Variants in GRM1 observed in about 807,000 individuals in gnomAD.
GRM1 encodes glutamate metabotropic receptor 1.
Under a neutral mutation model 90.9 loss-of-function variants are expected in GRM1, and 33 were observed. That is an observed-to-expected ratio of 0.36 (90% confidence interval 0.28 to 0.49). The LOEUF (loss-of-function observed/expected upper bound fraction) is 0.49, where lower values mean the gene tolerates loss of function less well. Among genes scored for constraint, GRM1 ranks in the 20% least tolerant of loss-of-function variants. GRM1 has a pLI of 0.99. For missense variants in GRM1, 1,190 were observed against 1,534.3 expected (o/e 0.78, Z 3.75); for synonymous variants, 700 against 613.2 (o/e 1.14, Z -2.09).
rs145100721 is a variant in GRM1 at position 146,142,346 on chromosome 6, G to A, written c.701-17002G>A. 3.2e-3 allele frequency among the ~76,000 whole-genome samples: 488 copies of A among 152,286 alleles called. 6 individuals carry two copies. The highest frequency in any genetic ancestry group is 0.011 in the African/African-American group (467 of 41,566). ...GCCACTACCACTGCAACTATGCTGG[G>A]TCAGACCTGAAGCTAGCACAGCAGT... On this transcript the variant is annotated intron_variant, in intron 1 of 7. Coordinates refer to ENST00000282753, the MANE Select transcript of GRM1 (RefSeq NM_001278064.2).
At chr6:146,168,772 C>T (rs890270727) in intron 2 of GRM1, among the ~76,000 whole-genome samples, 3 of 152,028 alleles carry the variant, frequency 2.0e-5, no homozygotes, top group South Asian at 2.1e-4. Context: ...AGAGATATTA[C>T]TTAATTATAC....
At chr6:146,073,019 C>T (rs1017377141) in intron 1 of GRM1, among the ~76,000 whole-genome samples, 11 of 152,150 alleles carry the variant, frequency 7.2e-5, no homozygotes, top group Admixed American at 3.3e-4. Context: ...TCTTAGGTAA[C>T]GCTCCTCAAA....
intron 2 of GRM1, among the ~76,000 whole-genome samples, chr6:146,228,824 T>C (rs1215811040): frequency 1.3e-5 from 2 of 152,178 alleles, no homozygotes; most frequent in African/African-American, 2.4e-5. Flanking sequence ...ATCAATTACA[T>C]CATCTATAAA....
chr6:146,278,387 C>G (rs1194803801), intron 2 of GRM1, among the ~76,000 whole-genome samples: 1 of 152,136 alleles, frequency 6.6e-6, no homozygotes, highest in East Asian at 1.9e-4. Flanking sequence ...TAAGTTCATG[C>G]TTGTTCTATT....
chr6:146,180,786 A>G (rs1997766), intron 2 of GRM1, among the ~76,000 whole-genome samples: 6,183 of 152,244 alleles, frequency 0.041, 425 homozygotes, highest in African/African-American at 0.14. Context: ...TTTACTTTTA[A>G]CACACTGCAC....
intron 2 of GRM1, among the ~76,000 whole-genome samples, chr6:146,257,036 A>T (rs1435794376): frequency 6.6e-6 from 1 of 152,102 alleles, no homozygotes; most frequent in Non-Finnish European, 1.5e-5. Context: ...CCACCTAAAG[A>T]ATAGTCTCTC....
chr6:146,157,282 T>C (rs1777556068), intron 1 of GRM1, among the ~76,000 whole-genome samples: 1 of 152,170 alleles, frequency 6.6e-6, no homozygotes, highest in South Asian at 2.1e-4. Context: ...CAGGAGGGTA[T>C]GGCCAACTGT....
chr6:146,267,559 C>T (rs940489318), intron 2 of GRM1, among the ~76,000 whole-genome samples: 1 of 150,062 alleles, frequency 6.7e-6, no homozygotes, highest in African/African-American at 2.4e-5. Context: ...AACTGAAGAA[C>T]TTGGAGTCTG....
chr6:146,140,700 C>T (rs1776844466), intron 1 of GRM1, among the ~76,000 whole-genome samples: 1 of 152,176 alleles, frequency 6.6e-6, no homozygotes, highest in African/African-American at 2.4e-5. Context: ...AAAGAGAAAA[C>T]TAATAAAAAC....
At chr6:146,242,621 G>A (rs1183709034) in intron 2 of GRM1, among the ~76,000 whole-genome samples, 11 of 151,928 alleles carry the variant, frequency 7.2e-5, no homozygotes, top group Admixed American at 2.0e-4. Flanking sequence ...GTGCTCTGTC[G>A]ACACCCTTCT....
chr6:146,201,675 G>A (rs1779301811), intron 2 of GRM1, among the ~76,000 whole-genome samples: 2 of 152,234 alleles, frequency 1.3e-5, no homozygotes, highest in East Asian at 1.9e-4. Context: ...ATTTTGGAGA[G>A]ACGCAAACAT....
At position 146,270,908 on chromosome 6, in the gene GRM1, TCTTTCTTCCTTC is replaced by T. The variant is rs1420346392; in HGVS notation, c.951-33699_951-33688del. Among the ~76,000 whole-genome samples, 576 of 104,202 alleles carry T rather than the reference TCTTTCTTCCTTC, an allele frequency of 5.5e-3. 1 individual carries two copies. Among genetic ancestry groups the T allele is most frequent in the Non-Finnish European group, 6.5e-3 (348 of 53,564 alleles). 68.4% of individuals were successfully genotyped at this position (104,202 alleles called of 152,430 possible). On this transcript the variant is annotated intron_variant, in intron 2 of 7. Coordinates refer to ENST00000282753, the MANE Select transcript of GRM1 (RefSeq NM_001278064.2). The stretch of plus-strand genomic sequence containing the variant: ...TTCTTTCTTTCTTTCTTTCTTTCTT[TCTTTCTTCCTTC>T]CTTCCTTCCTTCCTTCCTTCCTTCC...
chr6:146,308,115 T>C (rs1433577565), intron 3 of GRM1, among the ~76,000 whole-genome samples: 6 of 152,224 alleles, frequency 3.9e-5, no homozygotes, highest in Non-Finnish European at 8.8e-5. Flanking sequence ...GTATCATGTT[T>C]GCAATGGCAT....
intron 2 of GRM1, among the ~76,000 whole-genome samples, chr6:146,275,241 A>C (rs1782311098): frequency 6.6e-6 from 1 of 152,178 alleles, no homozygotes; most frequent in Non-Finnish European, 1.5e-5. Flanking sequence ...GGGAGATGTC[A>C]CCACAAATTG....
chr6:146,123,430 A>T (rs1583034802), intron 1 of GRM1, among the ~76,000 whole-genome samples: 1 of 152,292 alleles, frequency 6.6e-6, no homozygotes, highest in East Asian at 1.9e-4. Flanking sequence ...TGCCTGATGG[A>T]TGCAGGGGCT....
chr6:146,156,121 A>G lies in GRM1; in HGVS notation c.701-3227A>G, dbSNP rs377659299. 3.3e-5 allele frequency among the ~76,000 whole-genome samples: 5 copies of G among 152,156 alleles called. No homozygotes were observed. The East Asian group carries it at 5.8e-4, about 18-fold the overall frequency. ...CTAGCTACCATGAAAGTAGGCTTCT[A>G]TCGGCCAGGCACAGTGACTCATGCC... On this transcript the variant is annotated intron_variant, in intron 1 of 7. Coordinates refer to ENST00000282753, the MANE Select transcript of GRM1 (RefSeq NM_001278064.2).
chr6:146,214,255 T>C (rs938324564), intron 2 of GRM1, among the ~76,000 whole-genome samples: 3 of 152,182 alleles, frequency 2.0e-5, no homozygotes, highest in African/African-American at 7.2e-5. Context: ...CTCCATGCTA[T>C]ATGCAAAGAA....
chr6:146,073,058 T>G (rs910974301), intron 1 of GRM1, among the ~76,000 whole-genome samples: 7 of 152,112 alleles, frequency 4.6e-5, no homozygotes, highest in South Asian at 2.1e-4. Flanking sequence ...TATCTTTTTT[T>G]GGGGGGAGAT....
chr6:146,305,095 A>T (rs1023053281), intron 3 of GRM1, among the ~76,000 whole-genome samples: 2 of 150,840 alleles, frequency 1.3e-5, no homozygotes, highest in African/African-American at 4.9e-5. Flanking sequence ...GGAAAAGCAA[A>T]CTGAGGAGTC....
Sources: gnomAD v4.1 joint callset for allele counts (sites outside exome capture counted in the v4.1 genomes callset) on GRCh38, gnomAD v4.1.1 for gene constraint, MANE v1.5 for transcripts, NCBI Gene and HGNC (gene_info 2026-07-23, HGNC 2026-07-21) for gene names.